RORB: variants seen among roughly 807,000 people sequenced by gnomAD.
RORB encodes the protein RAR related orphan receptor B.
A neutral mutation model predicts 59.1 loss-of-function variants in RORB; 6 were observed. That is an observed-to-expected ratio of 0.10 (90% CI 0.06 to 0.20). RORB has a LOEUF of 0.20. RORB is among the 10% of genes least tolerant of loss of function. The probability of loss-of-function intolerance (pLI) is 1.00; values close to 1 mark genes in which losing one functional copy is unlikely to be tolerated. For missense variants in RORB, 320 were observed against 560.5 expected, an observed-to-expected ratio of 0.57 and a Z score of 4.33; for synonymous variants, 215 against 204.5, an observed-to-expected ratio of 1.05 and a Z score of -0.44.
chr9:74,512,555 G>T (rs1405196492), intron 1 of RORB, among the ~76,000 whole-genome samples: 1 of 152,188 alleles, frequency 6.6e-6, no homozygotes, highest in Admixed American at 6.6e-5. Flanking sequence ...CTAGAAAAAT[G>T]TGGAGTTATC....
chr9:74,526,183 A>G (rs931354789), intron 1 of RORB, among the ~76,000 whole-genome samples: 7 of 151,968 alleles, frequency 4.6e-5, no homozygotes, highest in African/African-American at 1.7e-4. Context: ...AATCTGTAAC[A>G]GAGGGACCCA....
intron 1 of RORB, among the ~76,000 whole-genome samples, chr9:74,579,360 T>A (rs981101431): frequency 5.3e-5 from 8 of 152,132 alleles, no homozygotes; most frequent in Non-Finnish European, 1.2e-4. Flanking sequence ...CACAGTTTTA[T>A]ATTTCTTTCT....
intron 1 of RORB, among the ~76,000 whole-genome samples, chr9:74,595,136 A>T (rs1474481938): frequency 6.6e-6 from 1 of 152,172 alleles, no homozygotes; most frequent in Non-Finnish European, 1.5e-5. Flanking sequence ...TCAGTTCCAT[A>T]ATGCAGTCAG....
At chr9:74,585,761 A>G (rs1045130094) in intron 1 of RORB, among the ~76,000 whole-genome samples, 2 of 130,876 alleles carry the variant, frequency 1.5e-5, no homozygotes, top group East Asian at 4.5e-4. Context: ...TTAAAAATCT[A>G]CACAGCACTC....
At chr9:74,562,235 C>G (rs972391759) in intron 1 of RORB, among the ~76,000 whole-genome samples, 16 of 152,104 alleles carry the variant, frequency 1.1e-4, no homozygotes, top group Non-Finnish European at 1.5e-4. Context: ...AGTTATATGT[C>G]AGATGTAACT....
chr9:74,566,948 T>C (rs1954500331), intron 1 of RORB, among the ~76,000 whole-genome samples: 1 of 152,198 alleles, frequency 6.6e-6, no homozygotes, highest in South Asian at 2.1e-4. Flanking sequence ...GAACCTAAAA[T>C]AACCCAGAAG....
intron 1 of RORB, among the ~76,000 whole-genome samples, chr9:74,575,351 T>G (rs1822617068): frequency 6.6e-6 from 1 of 152,084 alleles, no homozygotes; most frequent in South Asian, 2.1e-4. Flanking sequence ...GCTTTGCATT[T>G]GCTTAGCAGT....
intron 1 of RORB, among the ~76,000 whole-genome samples, chr9:74,521,415 G>A (rs1826083795): frequency 6.6e-6 from 1 of 151,602 alleles, no homozygotes; most frequent in Admixed American, 6.6e-5. Context: ...ATAAATCAGG[G>A]GGCCATAATT....
chr9:74,586,200 A>G (rs1822796595), intron 1 of RORB, among the ~76,000 whole-genome samples: 1 of 152,160 alleles, frequency 6.6e-6, no homozygotes, highest in African/African-American at 2.4e-5. Context: ...GATATATTGT[A>G]GAGAAGTGTA....
intron 1 of RORB, among the ~76,000 whole-genome samples, chr9:74,581,487 T>A (rs1186664784): frequency 6.6e-6 from 1 of 152,182 alleles, no homozygotes; most frequent in African/African-American, 2.4e-5. Flanking sequence ...TATTAACAAG[T>A]GAGGTTTGCC....
intron 1 of RORB, among the ~76,000 whole-genome samples, chr9:74,607,192 T>C (rs2118342388): frequency 6.6e-6 from 1 of 152,206 alleles, no homozygotes; most frequent in South Asian, 2.1e-4. Context: ...ACATATGGGC[T>C]TCTGAAGGGA....
Position 74,584,095 on chromosome 9 carries a change from T to G in RORB, c.8-46187T>G, listed in dbSNP as rs181447665. ...CTTTCTCTAACCTTGAGACTTTGGC[T>G]GGAGAAGCTGAGAATTAAAAAATAT... is the stretch of plus-strand genomic sequence containing the variant. On this transcript the variant is annotated intron_variant, in intron 1 of 9. Transcript: ENST00000376896. Among the ~76,000 whole-genome samples the G allele has an allele frequency of 3.9e-5, 6 of 152,358 alleles. No individual in the cohort carries two copies. In the East Asian group the frequency reaches 1.2e-3, roughly 29 times the overall value.
chr9:74,652,905 G>A (rs1824018188), intron 4 of RORB, among the ~76,000 whole-genome samples: 1 of 152,172 alleles, frequency 6.6e-6, no homozygotes, highest in South Asian at 2.1e-4. Context: ...CGAATCTACA[G>A]ATCACTAATA....
At chr9:74,648,470 C>T (rs1823936507) in intron 4 of RORB, among the ~76,000 whole-genome samples, 1 of 152,160 alleles carries the variant, frequency 6.6e-6, no homozygotes, top group South Asian at 2.1e-4. Flanking sequence ...ATATTCCCCC[C>T]TTGTTATAGC....
chr9:74,500,784 T>C (rs1489083680), intron 1 of RORB, among the ~76,000 whole-genome samples: 2 of 152,158 alleles, frequency 1.3e-5, no homozygotes. Flanking sequence ...TAAGAGTCCC[T>C]GATCTTTGAC....
chr9:74,639,545 G>A (rs1177505393), intron 3 of RORB, among the ~76,000 whole-genome samples: 1 of 151,624 alleles, frequency 6.6e-6, no homozygotes, highest in Non-Finnish European at 1.5e-5. Context: ...ATGTTTTTGT[G>A]TTGGAAGAGT....
intron 1 of RORB, among the ~76,000 whole-genome samples, chr9:74,598,376 A>G (rs1823004907): frequency 6.6e-6 from 1 of 152,172 alleles, no homozygotes; most frequent in Non-Finnish European, 1.5e-5. Context: ...CCCACTCTCG[A>G]TCTGCAGTTC....
At chr9:74,660,057 G>T (rs1824155587) in intron 4 of RORB, among the ~76,000 whole-genome samples, 1 of 151,940 alleles carries the variant, frequency 6.6e-6, no homozygotes, top group Non-Finnish European at 1.5e-5. Flanking sequence ...TTGCCCCAAA[G>T]TCAAATCTAC....
intron 1 of RORB, among the ~76,000 whole-genome samples, chr9:74,570,532 C>T (rs565895124): frequency 6.6e-6 from 1 of 152,184 alleles, no homozygotes; most frequent in African/African-American, 2.4e-5. Context: ...GAAAAGAGGT[C>T]AAATGTTACT....
Sources: allele counts gnomAD v4.1 joint callset (sites outside exome capture counted in the v4.1 genomes callset), GRCh38; gene constraint gnomAD v4.1.1; transcripts MANE v1.5; gene names NCBI Gene and HGNC (gene_info 2026-07-23, HGNC 2026-07-21).